The following ITM2C variants were observed in gnomAD, a reference collection of about 807,000 sequenced individuals.
The protein encoded by ITM2C is integral membrane protein 2C, also known as BRICHOS domain containing 2C.
Under a neutral mutation model 30.0 loss-of-function variants are expected in ITM2C, and 20 were observed. That is an observed-to-expected ratio of 0.67 (90% confidence interval 0.47 to 0.97). ITM2C has a LOEUF of 0.97. ITM2C is among the 50% of genes least tolerant of loss of function. The pLI is 0.00. For synonymous variants in ITM2C, 167 were observed against 156.4 expected, an observed-to-expected ratio of 1.07 and a Z score of -0.51; for missense variants, 366 against 371.9, an observed-to-expected ratio of 0.98 and a Z score of 0.13.
At chr2:230,864,830 C>T (rs2125010797), upstream of ITM2C, 4 of 514,304 alleles carry the variant, frequency 7.8e-6, no homozygotes, top group South Asian at 9.7e-5. This position sits in a 1 kb window ranked among gnomAD's most constrained non-coding sequence, Gnocchi z 4.3. Flanking sequence ...GCCCCGCGGG[C>T]GGGAAGGGGG....
At chr2:230,864,920 G>A (rs1479379076), upstream of ITM2C, 6 of 1,243,510 alleles carry the variant, frequency 4.8e-6, no homozygotes, top group Non-Finnish European at 6.1e-6. This position sits in a 1 kb window ranked among gnomAD's most constrained non-coding sequence, Gnocchi z 4.3. Context: ...AGAGGGACGC[G>A]AGCGGGATCC....
In ITM2C at chr2:230,877,562, G is replaced by A. The variant is rs764564993; in HGVS notation, c.712+12G>A. On this transcript the variant is annotated intron_variant, in intron 5 of 5. Transcript: ENST00000326427. The surrounding 1 kb of genome is among the most constrained non-coding windows in gnomAD (Gnocchi z 4.8). The stretch of plus-strand genomic sequence containing the variant: ...GGCAACGCGGAGGCGTGAGTGGCTG[G>A]CTTCACCCACAGTAGCCCCTGTCCC... 1.2e-6 allele frequency: 2 copies of A among 1,612,774 alleles called. No individual in the cohort carries two copies. Among genetic ancestry groups the A allele is most frequent in the Non-Finnish European group, 8.5e-7 (1 of 1,179,948 alleles).
rs986084562 is a variant in ITM2C, at chr2:230,865,368, G to T, written c.120+223G>T. The stretch of plus-strand genomic sequence containing the variant: ...AGCTGAAGTCCGAAGAGTGGGAGGC[G>T]TCTGGTTCTGGTCTTCAGGTGGAGA... On this transcript the variant is annotated intron_variant, in intron 1 of 5. Transcript: ENST00000326427. This position sits in a 1 kb window ranked among gnomAD's most constrained non-coding sequence, Gnocchi z 6.8. 16 of 436,464 alleles carry T rather than the reference G, an allele frequency of 3.7e-5. No homozygotes were observed. The highest frequency in any genetic ancestry group is 3.1e-4 in the African/African-American group (15 of 49,078). 27.0% of individuals were successfully genotyped at this position (436,464 alleles called of 1,614,324 possible).
chr2:230,867,869 G>T (rs1697066804), intron 1 of ITM2C, among the ~76,000 whole-genome samples: 1 of 152,094 alleles, frequency 6.6e-6, no homozygotes, highest in African/African-American at 2.4e-5. Flanking sequence ...ATGTTGGCCA[G>T]ACTGGTCTCA....
At chr2:230,864,483 G>T (rs1189601168), upstream of ITM2C, among the ~76,000 whole-genome samples, 4 of 152,192 alleles carry the variant, frequency 2.6e-5, no homozygotes, top group Non-Finnish European at 5.9e-5. The surrounding 1 kb of genome is among the most constrained non-coding windows in gnomAD (Gnocchi z 4.3). Context: ...GTCGGAGGAG[G>T]GGGGCGTGGG....
chr2:230,877,445 G>T lies in ITM2C; in HGVS notation c.607G>T (p.Val203Leu). The T allele has an allele frequency of 6.2e-7, 1 of 1,614,020 alleles. No homozygotes were observed. Among genetic ancestry groups the T allele is most frequent in the Non-Finnish European group, 8.5e-7 (1 of 1,179,958 alleles). Residue 203 changes from valine (V) to leucine (L), a missense_variant, in exon 5 of 6, where the codon GTG becomes TTG. Val to Leu is a conservative substitution (Grantham distance 32, BLOSUM62 1). Transcript: ENST00000326427. This position sits in a 1 kb window ranked among gnomAD's most constrained non-coding sequence, Gnocchi z 4.8. ...PQTYIIQEEM[V>L]VTEHVSDKEA... ...GACGTACATCATCCAGGAGGAGATG[G>T]TGGTCACGGAGCATGTCAGTGACAA...
At position 230,877,653 on chromosome 2, in the gene ITM2C, A is replaced by G; in HGVS notation, c.712+103A>G. On this transcript the variant is annotated intron_variant, in intron 5 of 5. Coordinates refer to ENST00000326427, the MANE Select transcript of ITM2C (RefSeq NM_030926.6). This position sits in a 1 kb window ranked among gnomAD's most constrained non-coding sequence, Gnocchi z 4.8. Reference sequence around the variant, plus strand: ...TCAGAGAGCTCAGATAGCAGCAGCAATAACAGCTAGCATTAGCAGAGCACT... The same window carrying G: ...TCAGAGAGCTCAGATAGCAGCAGCAGTAACAGCTAGCATTAGCAGAGCACT... 7.8e-7 allele frequency: 1 copy of G among 1,279,968 alleles called. No individual in the cohort carries two copies. The highest frequency in any genetic ancestry group is 1.9e-5 in the Admixed American group (1 of 53,422). The allele number at this position is 1,279,968 out of a possible 1,614,324, so 79.3% of individuals were successfully genotyped here. A position where few individuals can be genotyped will look rare whatever the true frequency, so the allele number is the denominator to read the frequency against.
In ITM2C at chr2:230,876,933, C is replaced by T. The variant is rs549072633; in HGVS notation, c.527C>T (p.Pro176Leu). 2 of 1,613,920 alleles carry T rather than the reference C, an allele frequency of 1.2e-6. No homozygotes were observed. The highest frequency in any genetic ancestry group is 1.7e-5 in the Admixed American group (1 of 60,026). ...IELNTTIVLP[P>L]RNFWELLMNV... is the part of the protein sequence containing the mutation. ...CTCAACACCACCATTGTGCTGCCCC[C>T]TCGCAACTTCTGGGAGCTCCTCATG... is the stretch of plus-strand genomic sequence containing the variant. Residue 176 changes from proline (P) to leucine (L), a missense_variant, in exon 4 of 6, where the codon CCT becomes CTT. Physicochemically the swap from Pro to Leu is moderately conservative, Grantham distance 98. Transcript: ENST00000326427.
chr2:230,868,463 T>TCACA (rs10675424), intron 1 of ITM2C, among the ~76,000 whole-genome samples: 21,653 of 150,290 alleles, frequency 0.14, 2,268 homozygotes, highest in African/African-American at 0.3. Context: ...GTGCCTGCAC[T>TCACA]CACACACACA....
At chr2:230,864,854 G>A, upstream of ITM2C, 1 of 807,596 alleles carries the variant, frequency 1.2e-6, no homozygotes, top group South Asian at 6.3e-5. This position sits in a 1 kb window ranked among gnomAD's most constrained non-coding sequence, Gnocchi z 4.3. Flanking sequence ...AGGCGCGGCG[G>A]GCGCCGGGGC....
rs1052564540 is a variant in ITM2C, at chr2:230,877,056, T to C, written c.561+89T>C. On this transcript the variant is annotated intron_variant, in intron 4 of 5. Transcript: ENST00000326427. This position sits in a 1 kb window ranked among gnomAD's most constrained non-coding sequence, Gnocchi z 4.8. ...AGGCTAGGTCTGAGGTACAGGAAGTTCCTGTGTCAGGGGTTGGGGGAGCAA... is the reference window on the plus strand; with the variant it reads ...AGGCTAGGTCTGAGGTACAGGAAGTCCCTGTGTCAGGGGTTGGGGGAGCAA... 1 of 964,250 alleles carries C rather than the reference T, an allele frequency of 1.0e-6. No homozygotes were observed. The highest frequency in any genetic ancestry group is 1.6e-5 in the African/African-American group (1 of 62,630). 59.7% of individuals were successfully genotyped at this position (964,250 alleles called of 1,614,324 possible).
At chr2:230,873,593 G>A in intron 2 of ITM2C, 36 bp downstream of exon 2, 3 of 1,574,980 alleles carry the variant, frequency 1.9e-6, no homozygotes, top group Non-Finnish European at 2.6e-6. Flanking sequence ...AAGGCCTCGA[G>A]AAAGGGTCAT....
rs375935368 is a variant in ITM2C at position 230,874,904 on chromosome 2, C to T, written c.262-716C>T. Reference sequence around the variant, plus strand: ...GGAGTGACTGGACTGGCCCACCAGACACAGTGTCTGTCAAGGTTTCTCCAA... The same window carrying T: ...GGAGTGACTGGACTGGCCCACCAGATACAGTGTCTGTCAAGGTTTCTCCAA... On this transcript the variant is annotated intron_variant, in intron 2 of 5. Transcript: ENST00000326427. Among the ~76,000 whole-genome samples, 54 of 152,342 alleles carry T rather than the reference C, an allele frequency of 3.5e-4. 3 individuals carry two copies. Among genetic ancestry groups the T allele is most frequent in the East Asian group, 2.3e-3 (12 of 5,188 alleles).
intron 1 of ITM2C, among the ~76,000 whole-genome samples, chr2:230,871,012 G>C (rs1421006906): frequency 1.3e-5 from 2 of 152,228 alleles, no homozygotes; most frequent in East Asian, 3.8e-4. Context: ...AAAAGGAAAG[G>C]CTCGGCTGAT....
chr2:230,873,587 C>A (rs768489143), intron 2 of ITM2C, 30 bp downstream of exon 2: 36 of 1,580,704 alleles, frequency 2.3e-5, no homozygotes, highest in African/African-American at 4.1e-5. Flanking sequence ...AGGGGCAAGG[C>A]CTCGAGAAAG....
intron 1 of ITM2C, among the ~76,000 whole-genome samples, chr2:230,873,027 G>A (rs117338793): frequency 2.6e-5 from 4 of 152,198 alleles, no homozygotes; most frequent in East Asian, 3.9e-4. Context: ...TAAAGTCACC[G>A]AGGCCAGGTC....
intron 2 of ITM2C, among the ~76,000 whole-genome samples, chr2:230,875,187 A>C (rs1322586067): frequency 6.6e-6 from 1 of 152,036 alleles, no homozygotes. Flanking sequence ...TGGTGTCTGC[A>C]CCTCTGTGGA....
intron 1 of ITM2C, among the ~76,000 whole-genome samples, chr2:230,867,519 G>A (rs574977157): frequency 1.1e-4 from 16 of 152,318 alleles, no homozygotes; most frequent in South Asian, 2.1e-4. Context: ...AGGGCAGGGC[G>A]TGTAGATTTT....
Position 230,875,513 on chromosome 2 carries a change from C to T in ITM2C, c.262-107C>T, listed in dbSNP as rs1391104781. On this transcript the variant is annotated intron_variant, in intron 2 of 5. Coordinates refer to ENST00000326427, the MANE Select transcript of ITM2C (RefSeq NM_030926.6). Reference sequence around the variant, plus strand: ...TCACAGTCCCTGCTCTTCTTGCTTCCGCAGGCTTTTGGGGCATGTAGCGGA... The same window carrying T: ...TCACAGTCCCTGCTCTTCTTGCTTCTGCAGGCTTTTGGGGCATGTAGCGGA... 35 of 962,722 alleles carry T rather than the reference C, an allele frequency of 3.6e-5. No homozygotes were observed. The South Asian group carries it at 4.2e-4, about 11-fold the overall frequency. The allele number at this position is 962,722 out of a possible 1,614,324, so 59.6% of individuals were successfully genotyped here. A position where few individuals can be genotyped will look rare whatever the true frequency, so the allele number is the denominator to read the frequency against.
Sources: allele counts gnomAD v4.1 joint callset (sites outside exome capture counted in the v4.1 genomes callset), GRCh38; gene constraint gnomAD v4.1.1; non-coding constraint Gnocchi (gnomAD v3.1); transcripts MANE v1.5; gene names NCBI Gene and HGNC (gene_info 2026-07-23, HGNC 2026-07-21).